The following STX18 variants were observed in gnomAD, a reference collection of about 807,000 sequenced individuals.
STX18 encodes syntaxin 18.
Under a neutral mutation model 50.1 loss-of-function variants are expected in STX18, and 40 were observed. That is an observed-to-expected ratio of 0.80 (90% CI 0.62 to 1.04). The LOEUF (loss-of-function observed/expected upper bound fraction) is 1.04, where lower values mean the gene tolerates loss of function less well. Ranked by LOEUF, STX18 falls within the 50% of genes least tolerant of loss-of-function variation. The pLI, the probability that STX18 is intolerant of heterozygous loss-of-function variation, is 0.00. For synonymous variants in STX18, 158 were observed against 151.8 expected, an observed-to-expected ratio of 1.04 and a Z score of -0.30; for missense variants, 410 against 415.8, an observed-to-expected ratio of 0.99 and a Z score of 0.12.
At chr4:4,430,241 C>A (rs1725453520) in intron 7 of STX18, among the ~76,000 whole-genome samples, 1 of 152,116 alleles carries the variant, frequency 6.6e-6, no homozygotes. Context: ...TTATTTTACC[C>A]TGAGGAAAAA....
intron 5 of STX18, among the ~76,000 whole-genome samples, chr4:4,447,403 C>A: frequency 1.3e-5 from 2 of 151,594 alleles, no homozygotes. Context: ...TCCTGGCTAA[C>A]ACGGTGAAAC....
chr4:4,536,916 C>T (rs148502665), intron 1 of STX18, among the ~76,000 whole-genome samples: 11 of 152,324 alleles, frequency 7.2e-5, no homozygotes, highest in Admixed American at 6.5e-4. Context: ...TACAAGAAAT[C>T]TCTGCAGTTA....
intron 1 of STX18, among the ~76,000 whole-genome samples, chr4:4,503,909 A>G (rs538969571): frequency 6.6e-6 from 1 of 152,344 alleles, no homozygotes; most frequent in African/African-American, 2.4e-5. Context: ...ACTGAAAACT[A>G]TATCCTTTGC....
chr4:4,502,659 G>A (rs1248105928), intron 1 of STX18, among the ~76,000 whole-genome samples: 1 of 152,162 alleles, frequency 6.6e-6, no homozygotes, highest in African/African-American at 2.4e-5. Context: ...TCTTTGCCCT[G>A]TTGTAGCTCT....
chr4:4,448,348 T>C lies in STX18; in HGVS notation c.497+8843A>G, dbSNP rs148785667. Among the ~76,000 whole-genome samples, 235 of 136,940 alleles carry C rather than the reference T, an allele frequency of 1.7e-3. 1 individual carries two copies. The highest frequency in any genetic ancestry group is 6.9e-3 in the African/African-American group (217 of 31,674). 89.8% of individuals were successfully genotyped at this position (136,940 alleles called of 152,430 possible). A position where few individuals can be genotyped will look rare whatever the true frequency, so the allele number is the denominator to read the frequency against. On this transcript the variant is annotated intron_variant, in intron 5 of 10. Transcript: ENST00000306200. Reference sequence around the variant, plus strand: ...GTGGCCTTGGATGGGTTTTATTTTATGCTTTTTTTTTTTGACAGAGTCTCA... The same window carrying C: ...GTGGCCTTGGATGGGTTTTATTTTACGCTTTTTTTTTTTGACAGAGTCTCA...
intron 7 of STX18, among the ~76,000 whole-genome samples, chr4:4,427,306 C>T (rs2108775273): frequency 1.3e-5 from 2 of 152,372 alleles, no homozygotes; most frequent in East Asian, 3.9e-4. Context: ...TCATCCACAG[C>T]AGGGGGCCGT....
intron 1 of STX18, among the ~76,000 whole-genome samples, chr4:4,514,751 G>T (rs924624127): frequency 1.3e-5 from 2 of 151,922 alleles, no homozygotes; most frequent in African/African-American, 4.8e-5. Context: ...ATGAAAGCAG[G>T]AACTAGGAGG....
chr4:4,495,567 T>TC lies in STX18; in HGVS notation c.169-23862_169-23861insG, dbSNP rs1489543977. ...CTGGCTAATTTTTTTTCTTTTCTTT[T>TC]TTTTTTTTTTTTTTTGAGAGACGAG... On this transcript the variant is annotated intron_variant, in intron 1 of 10. Coordinates refer to ENST00000306200, the MANE Select transcript of STX18 (RefSeq NM_016930.4). 3.6e-3 allele frequency among the ~76,000 whole-genome samples: 370 copies of TC among 102,024 alleles called. 2 individuals are homozygous for TC. The highest frequency in any genetic ancestry group is 0.011 in the African/African-American group (353 of 32,168). 66.9% of individuals were successfully genotyped at this position (102,024 alleles called of 152,430 possible).
At chr4:4,504,176 G>C (rs1391352611) in intron 1 of STX18, among the ~76,000 whole-genome samples, 1 of 152,204 alleles carries the variant, frequency 6.6e-6, no homozygotes, top group Non-Finnish European at 1.5e-5. Context: ...TGAGGTGGAG[G>C]AGAACATAAA....
rs1446717506 is a variant in STX18 at position 4,471,849 on chromosome 4, C to T, written c.169-143G>A. 4 of 574,400 alleles carry T rather than the reference C, an allele frequency of 7.0e-6. No homozygotes were observed. The African/African-American group carries it at 7.7e-5, about 11-fold the overall frequency. 35.6% of individuals were successfully genotyped at this position (574,400 alleles called of 1,614,324 possible). On this transcript the variant is annotated intron_variant, in intron 1 of 10. Coordinates refer to ENST00000306200, the MANE Select transcript of STX18 (RefSeq NM_016930.4). ...GCACCGTCGGTTTTGGACTCTCGTACAGTCACAAATTAGTTACCATTCCTG... is the reference window on the plus strand; with the variant it reads ...GCACCGTCGGTTTTGGACTCTCGTATAGTCACAAATTAGTTACCATTCCTG...
chr4:4,511,446 G>A (rs1022416928), intron 1 of STX18, among the ~76,000 whole-genome samples: 52 of 152,212 alleles, frequency 3.4e-4, no homozygotes, highest in African/African-American at 1.1e-3. Context: ...AATATTAATC[G>A]TAAAACAAAT....
chr4:4,465,476 T>C (rs1330073604), intron 2 of STX18, among the ~76,000 whole-genome samples: 1 of 152,190 alleles, frequency 6.6e-6, no homozygotes, highest in African/African-American at 2.4e-5. Context: ...GGAGCTGGAA[T>C]CCATTATCCT....
intron 1 of STX18, among the ~76,000 whole-genome samples, chr4:4,489,325 C>G (rs1728834331): frequency 7.0e-6 from 1 of 143,870 alleles, no homozygotes; most frequent in Non-Finnish European, 1.5e-5. Flanking sequence ...TGAGGAAAGT[C>G]ATTATGATCG....
At position 4,419,104 on chromosome 4, in the gene STX18, G is replaced by A. The variant is rs1724770705; in HGVS notation, c.*930C>T. The A allele has an allele frequency of 6.6e-6, 1 of 152,278 alleles. No individual in the cohort carries two copies. Among genetic ancestry groups the A allele is most frequent in the South Asian group, 2.1e-4 (1 of 4,836 alleles). The allele number at this position is 152,278 out of a possible 1,614,324, so 9.4% of individuals were successfully genotyped here. A position where few individuals can be genotyped will look rare whatever the true frequency, so the allele number is the denominator to read the frequency against. ...GTCTGTACACACACGCATTTCACCA[G>A]GCGCAGTGCAGACTGTCTCATGCCC... On this transcript the variant is annotated 3_prime_UTR_variant, in exon 11 of 11. Transcript: ENST00000306200.
intron 1 of STX18, among the ~76,000 whole-genome samples, chr4:4,530,848 C>T (rs185816774): frequency 1.3e-5 from 2 of 152,238 alleles, no homozygotes; most frequent in African/African-American, 4.8e-5. Flanking sequence ...CTCAAGCGAT[C>T]CACCCACCTC....
intron 1 of STX18, among the ~76,000 whole-genome samples, chr4:4,498,365 C>T (rs73088216): frequency 1.8e-3 from 271 of 152,166 alleles, no homozygotes; most frequent in African/African-American, 6.3e-3. Context: ...AATATTACTG[C>T]CAATATATCA....
chr4:4,455,082 T>G (rs1004003638), intron 5 of STX18, among the ~76,000 whole-genome samples: 2 of 152,170 alleles, frequency 1.3e-5, no homozygotes, highest in Non-Finnish European at 2.9e-5. Flanking sequence ...TCACACAGTT[T>G]GAAAGTGGCA....
Position 4,447,592 on chromosome 4 carries a change from C to CAAAAA in STX18, c.498-9088_498-9084dup, listed in dbSNP as rs34300930. On this transcript the variant is annotated intron_variant, in intron 5 of 10. Transcript: ENST00000306200. ...GGCGACAGAGCGAGACTCCGTCTCA[C>CAAAAA]AAAAAAAAAAAAAAAAAAAAAAAAA... 4.1e-3 allele frequency among the ~76,000 whole-genome samples: 187 copies of CAAAAA among 45,910 alleles called. 17 individuals carry two copies. Among genetic ancestry groups the CAAAAA allele is most frequent in the East Asian group, 5.8e-3 (5 of 856 alleles). 30.1% of individuals were successfully genotyped at this position (45,910 alleles called of 152,430 possible).
At chr4:4,430,033 T>G (rs1004594103) in intron 7 of STX18, among the ~76,000 whole-genome samples, 2 of 152,228 alleles carry the variant, frequency 1.3e-5, no homozygotes, top group African/African-American at 4.8e-5. Context: ...TTGATGTAAC[T>G]TTGGAAAACA....
Sources: gnomAD v4.1 joint callset for allele counts (sites outside exome capture counted in the v4.1 genomes callset) on GRCh38, gnomAD v4.1.1 for gene constraint, MANE v1.5 for transcripts, NCBI Gene and HGNC (gene_info 2026-07-23, HGNC 2026-07-21) for gene names.